The following PCDHGB2 variants were observed in gnomAD, a reference collection of about 807,000 sequenced individuals.
PCDHGB2 encodes the protein protocadherin gamma subfamily B, 2.
In PCDHGB2, 55 loss-of-function variants were observed where a neutral mutation model predicts 59.3. That is an observed-to-expected ratio of 0.93 (90% CI 0.75 to 1.16). PCDHGB2 has a LOEUF of 1.16. Among genes scored for constraint, PCDHGB2 ranks in the 50% most tolerant of loss-of-function variants. The probability of loss-of-function intolerance (pLI) is 0.00; values close to 1 mark genes in which losing one functional copy is unlikely to be tolerated. For missense variants in PCDHGB2, 1,228 were observed against 1,198.5 expected (o/e 1.02, Z -0.36); for synonymous variants, 516 against 512.0 (o/e 1.01, Z -0.11).
chr5:141,509,447 C>T (rs898280593), intron 3 of PCDHGB2, among the ~76,000 whole-genome samples: 2 of 152,128 alleles, frequency 1.3e-5, no homozygotes, highest in Admixed American at 6.5e-5. Context: ...CCTCCTCTCC[C>T]ACCCCCGACC....
At position 141,361,473 on chromosome 5, in the gene PCDHGB2, C is replaced by T. The variant is rs374176708; in HGVS notation, c.1338C>T (p.Asn446=). Reference sequence around the variant, plus strand: ...TCACCCTGCACATCTCCGACGTCAACGATAATGCCCCAGTTTTCCAACAGA... The same window carrying T: ...TCACCCTGCACATCTCCGACGTCAATGATAATGCCCCAGTTTTCCAACAGA... ...IIVTLHISDV[N]DNAPVFQQTS... Residue 446 remains asparagine (N), a synonymous_variant, in exon 1 of 4, where the codon AAC becomes AAT. Coordinates refer to ENST00000522605, the MANE Select transcript of PCDHGB2 (RefSeq NM_018923.3). 1.2e-6 allele frequency: 2 copies of T among 1,614,024 alleles called. No homozygotes were observed. Among genetic ancestry groups the T allele is most frequent in the Admixed American group, 1.7e-5 (1 of 60,030 alleles).
Position 141,491,162 on chromosome 5 carries a change from C to T in PCDHGB2, c.2422-3645C>T. 6.2e-7 allele frequency: 1 copy of T among 1,614,112 alleles called. No homozygotes were observed. Among genetic ancestry groups the T allele is most frequent in the Non-Finnish European group, 8.5e-7 (1 of 1,179,952 alleles). On this transcript the variant is annotated intron_variant, in intron 1 of 3. Coordinates refer to ENST00000522605, the MANE Select transcript of PCDHGB2 (RefSeq NM_018923.3). This position sits in a 1 kb window ranked among gnomAD's most constrained non-coding sequence, Gnocchi z 6.9. ...GCCTTACTGGAGGATGACTCTGACA[C>T]CCAGCAGGTGGTGGTCCTGGTGAGG...
intron 1 of PCDHGB2, chr5:141,478,121 G>A (rs1393103666): frequency 1.2e-6 from 2 of 1,613,918 alleles, no homozygotes; most frequent in South Asian, 1.1e-5. Flanking sequence ...AGTAACCGAG[G>A]ACTCTCCTGA....
In PCDHGB2 at chr5:141,477,294, C is replaced by G. The variant is rs753131175; in HGVS notation, c.2422-17513C>G. On this transcript the variant is annotated intron_variant, in intron 1 of 3. Coordinates refer to ENST00000522605, the MANE Select transcript of PCDHGB2 (RefSeq NM_018923.3). This position sits in a 1 kb window ranked among gnomAD's most constrained non-coding sequence, Gnocchi z 4.9. ...GGGCTGGTGACCTGCGAAGTTCCACCGGGTCTCCCTTTCAGCCTTACTTCT... is the reference window on the plus strand; with the variant it reads ...GGGCTGGTGACCTGCGAAGTTCCACGGGGTCTCCCTTTCAGCCTTACTTCT... The G allele has an allele frequency of 2.1e-5, 34 of 1,614,024 alleles. No individual in the cohort carries two copies. Among genetic ancestry groups the G allele is most frequent in the Non-Finnish European group, 2.9e-5 (34 of 1,180,036 alleles).
chr5:141,466,674 T>C (rs2099127051), intron 1 of PCDHGB2, among the ~76,000 whole-genome samples: 1 of 152,222 alleles, frequency 6.6e-6, no homozygotes, highest in South Asian at 2.1e-4. Flanking sequence ...TTCACCGTTC[T>C]TCCACTCAAG....
chr5:141,375,275 G>C, intron 1 of PCDHGB2: 3 of 1,613,902 alleles, frequency 1.9e-6, no homozygotes, highest in Non-Finnish European at 1.7e-6. Context: ...GGAAAAATCA[G>C]TTGGCAATTA....
Position 141,362,335 on chromosome 5 carries a change from A to C in PCDHGB2, c.2200A>C (p.Lys734Gln), listed in dbSNP as rs371396469. 1 of 1,613,940 alleles carries C rather than the reference A, an allele frequency of 6.2e-7. No individual in the cohort carries two copies. Among genetic ancestry groups the C allele is most frequent in the Non-Finnish European group, 8.5e-7 (1 of 1,179,910 alleles). Reference sequence around the variant, plus strand: ...CTGTTTTCAGCCTGGTCTCAGCTCCAAGCCTGGACCTGGGGTTCTCCCCAA... The same window carrying C: ...CTGTTTTCAGCCTGGTCTCAGCTCCCAGCCTGGACCTGGGGTTCTCCCCAA... The part of the protein sequence containing the change: ...WDCFQPGLSS[K>Q]PGPGVLPNYS... Residue 734 changes from lysine to glutamine, a missense_variant, in exon 1 of 4, where the codon AAG (lysine) becomes CAG (glutamine). Transcript: ENST00000522605.
intron 1 of PCDHGB2, chr5:141,419,448 TC>T: frequency 6.2e-7 from 1 of 1,612,980 alleles, no homozygotes; most frequent in Non-Finnish European, 8.5e-7. Context: ...ACCTTCGAGC[TC>T]ACGCTGCAGG....
At chr5:141,383,731 A>T in intron 1 of PCDHGB2, 1 of 1,614,000 alleles carries the variant, frequency 6.2e-7, no homozygotes. Context: ...TGGGGAAGTG[A>T]CATATTCTTT....
chr5:141,427,111 C>G (rs1324091636), intron 1 of PCDHGB2: 7 of 457,560 alleles, frequency 1.5e-5, no homozygotes, highest in South Asian at 1.1e-4. Context: ...GCGGAGATCA[C>G]CTACTCTTTC....
At chr5:141,408,675 C>T (rs574868088) in intron 1 of PCDHGB2, 14 of 1,613,950 alleles carry the variant, frequency 8.7e-6, no homozygotes, top group Admixed American at 8.3e-5. Flanking sequence ...GACCCTGCCA[C>T]GGATCCTGAT....
At position 141,511,916 on chromosome 5, in the gene PCDHGB2, C is replaced by T. The variant is rs2099884006; in HGVS notation, c.*743C>T. ...CCACCTCCTCCTCAAACAAGAGACT[C>T]CACTGCATGTTCCAAGACAGTATGG... On this transcript the variant is annotated 3_prime_UTR_variant, in exon 4 of 4. Coordinates refer to ENST00000522605, the MANE Select transcript of PCDHGB2 (RefSeq NM_018923.3). The T allele has an allele frequency of 6.4e-6, 1 of 156,466 alleles. No individual in the cohort carries two copies. The highest frequency in any genetic ancestry group is 2.4e-5 in the African/African-American group (1 of 41,474). The allele number at this position is 156,466 out of a possible 1,614,324, so 9.7% of individuals were successfully genotyped here.
At chr5:141,397,462 G>A (rs1415733475) in intron 1 of PCDHGB2, among the ~76,000 whole-genome samples, 1 of 152,152 alleles carries the variant, frequency 6.6e-6, no homozygotes, top group Non-Finnish European at 1.5e-5. Context: ...TAGAAATATT[G>A]GGGAGTTGGA....
chr5:141,365,198 G>A, intron 1 of PCDHGB2: 1 of 1,613,856 alleles, frequency 6.2e-7, no homozygotes, highest in Non-Finnish European at 8.5e-7. Context: ...AAAAATTTCG[G>A]AGACTTTCCA....
Position 141,486,276 on chromosome 5 carries a change from T to C in PCDHGB2, c.2422-8531T>C. The C allele has an allele frequency of 1.2e-6, 2 of 1,613,980 alleles. No homozygotes were observed. The highest frequency in any genetic ancestry group is 1.7e-6 in the Non-Finnish European group (2 of 1,179,974). On this transcript the variant is annotated intron_variant, in intron 1 of 3. Coordinates refer to ENST00000522605, the MANE Select transcript of PCDHGB2 (RefSeq NM_018923.3). The surrounding 1 kb of genome is among the most constrained non-coding windows in gnomAD (Gnocchi z 5.0). ...CCCGAGAGTGCAGAACCTGGCACTG[T>C]GGTGGCACTTATCAGTGTGCAGGAT...
At chr5:141,373,805 G>T in intron 1 of PCDHGB2, 1 of 337,732 alleles carries the variant, frequency 3.0e-6, no homozygotes, top group Non-Finnish European at 5.3e-6. Context: ...TCCTCTGTGT[G>T]ATAGTTTCAC....
intron 1 of PCDHGB2, chr5:141,413,356 C>T: frequency 6.2e-7 from 1 of 1,613,962 alleles, no homozygotes; most frequent in South Asian, 1.1e-5. Context: ...TCTGGCGCCC[C>T]GGGAGCTGGC....
intron 1 of PCDHGB2, chr5:141,413,967 G>A: frequency 6.2e-7 from 1 of 1,613,428 alleles, no homozygotes; most frequent in Non-Finnish European, 8.5e-7. Context: ...TGGGCACTCA[G>A]CTGCTGACAG....
At chr5:141,377,295 G>A (rs2150107676) in intron 1 of PCDHGB2, 2 of 152,102 alleles carry the variant, frequency 1.3e-5, no homozygotes, top group Middle Eastern at 6.8e-3. Context: ...CTTAATTTAG[G>A]TCAGTGTTAA....
Sources: allele counts gnomAD v4.1 joint callset (sites outside exome capture counted in the v4.1 genomes callset), GRCh38; gene constraint gnomAD v4.1.1; non-coding constraint Gnocchi (gnomAD v3.1); transcripts MANE v1.5; gene names NCBI Gene and HGNC (gene_info 2026-07-23, HGNC 2026-07-21).